SSBP3: variants seen among roughly 807,000 people sequenced by gnomAD.
SSBP3 encodes single stranded DNA binding protein 3, also known as single-stranded DNA-binding protein 3.
SSBP3 carries 5 observed loss-of-function variants against 69.6 expected under a neutral mutation model. The observed-to-expected ratio is 0.07, with a 90% confidence interval of 0.04 to 0.15. The LOEUF is 0.15. SSBP3 is among the 10% of genes least tolerant of loss of function. The pLI is 1.00. For synonymous variants in SSBP3, 196 were observed against 193.4 expected, an observed-to-expected ratio of 1.01 and a Z score of -0.11; for missense variants, 312 against 534.0, an observed-to-expected ratio of 0.58 and a Z score of 4.10.
At chr1:54,247,920 C>T (rs923687782) in intron 9 of SSBP3, among the ~76,000 whole-genome samples, 2 of 152,328 alleles carry the variant, frequency 1.3e-5, no homozygotes, top group South Asian at 4.1e-4. Context: ...GTACTATCTC[C>T]TTTCTGGCAC....
chr1:54,332,952 G>A (rs772224533), intron 4 of SSBP3, among the ~76,000 whole-genome samples: 4 of 152,138 alleles, frequency 2.6e-5, no homozygotes, highest in East Asian at 1.9e-4. Context: ...ACACGCGTGC[G>A]CCTCCTCCCA....
chr1:54,316,133 A>G (rs1197977287), intron 4 of SSBP3, among the ~76,000 whole-genome samples: 3 of 151,142 alleles, frequency 2.0e-5, no homozygotes, highest in Admixed American at 6.6e-5. Flanking sequence ...TCACAAGGTC[A>G]GAAGATCAAG....
upstream of SSBP3, among the ~76,000 whole-genome samples, chr1:54,407,456 G>A (rs539466541): frequency 8.5e-5 from 13 of 152,120 alleles, no homozygotes; most frequent in Non-Finnish European, 1.5e-4. Context: ...TTGAGGGGGG[G>A]GCTGGCAGAG....
intron 4 of SSBP3, among the ~76,000 whole-genome samples, chr1:54,357,276 G>A (rs1646883838): frequency 6.6e-6 from 1 of 152,094 alleles, no homozygotes; most frequent in South Asian, 2.1e-4. Flanking sequence ...GTGGCCCAGG[G>A]TGGGCACTCG....
At chr1:54,358,566 GC>G (rs1396051688) in intron 4 of SSBP3, among the ~76,000 whole-genome samples, 2 of 152,206 alleles carry the variant, frequency 1.3e-5, no homozygotes, top group East Asian at 1.9e-4. Flanking sequence ...AGGGGAGATG[GC>G]ATAACCTCCA....
chr1:54,395,773 C>G (rs1301574301), intron 4 of SSBP3, among the ~76,000 whole-genome samples: 1 of 152,200 alleles, frequency 6.6e-6, no homozygotes, highest in East Asian at 1.9e-4. Context: ...CTAGAATTCA[C>G]ATGGGAGTCC....
At chr1:54,309,415 T>C (rs1183429992) in intron 4 of SSBP3, among the ~76,000 whole-genome samples, 2 of 152,182 alleles carry the variant, frequency 1.3e-5, no homozygotes, top group Non-Finnish European at 2.9e-5. Flanking sequence ...CAAGACAACA[T>C]CGGCATCCCT....
At chr1:54,289,044 ACAAAAAAAAAAAAC>A (rs1645554167) in intron 4 of SSBP3, among the ~76,000 whole-genome samples, 1 of 51,270 alleles carries the variant, frequency 2.0e-5, no homozygotes, top group African/African-American at 1.3e-4. Flanking sequence ...AAACAAAAAA[ACAAAAAAAAAAAAC>A]AGTAATGTCC....
chr1:54,256,625 A>T (rs1260632549), intron 7 of SSBP3, among the ~76,000 whole-genome samples: 1 of 152,140 alleles, frequency 6.6e-6, no homozygotes, highest in South Asian at 2.1e-4. Context: ...AAAAACTCAC[A>T]AATCTCCTGC....
intron 4 of SSBP3, among the ~76,000 whole-genome samples, chr1:54,307,473 T>C (rs774975253): frequency 1.4e-4 from 22 of 152,198 alleles, no homozygotes; most frequent in Non-Finnish European, 2.9e-4. Flanking sequence ...TTCCTCTGGC[T>C]CTACTAGACT....
At chr1:54,408,089 A>G (rs753908461), upstream of SSBP3, among the ~76,000 whole-genome samples, 2 of 152,154 alleles carry the variant, frequency 1.3e-5, no homozygotes, top group Non-Finnish European at 2.9e-5. Context: ...ATTAGAGTAC[A>G]GCCAGGCCCT....
chr1:54,340,350 T>C (rs1646586007), intron 4 of SSBP3, among the ~76,000 whole-genome samples: 2 of 152,088 alleles, frequency 1.3e-5, no homozygotes, highest in Non-Finnish European at 2.9e-5. Flanking sequence ...ACCAATGTGG[T>C]GTTTGCTGCC....
At chr1:54,401,211 A>G (rs1649266272) in intron 4 of SSBP3, among the ~76,000 whole-genome samples, 1 of 152,204 alleles carries the variant, frequency 6.6e-6, no homozygotes. Context: ...AATTTCATAA[A>G]TCTTAAGAAA....
chr1:54,257,171 G>T (rs781179285), exon 7 of SSBP3: 3 of 1,601,898 alleles, frequency 1.9e-6, no homozygotes, highest in East Asian at 2.3e-5. Flanking sequence ...CCTGCGTATC[G>T]CGGTGACATA....
At chr1:54,346,501 G>A (rs966163083) in intron 4 of SSBP3, among the ~76,000 whole-genome samples, 9 of 152,038 alleles carry the variant, frequency 5.9e-5, no homozygotes, top group Non-Finnish European at 1.0e-4. Flanking sequence ...CAGTACCTGT[G>A]AATGGGCTCT....
At chr1:54,401,899 A>C in exon 4 of SSBP3, 1 of 1,614,166 alleles carries the variant, frequency 6.2e-7, no homozygotes, top group South Asian at 1.1e-5. Context: ...GAATGTTCAC[A>C]AGTGTCTCTC....
intron 4 of SSBP3, among the ~76,000 whole-genome samples, chr1:54,281,748 C>T (rs561003062): frequency 6.9e-4 from 105 of 152,260 alleles, no homozygotes; most frequent in Non-Finnish European, 1.1e-3. Context: ...ACTCAATTCC[C>T]AGGTCCGGCC....
At chr1:54,251,539 C>G in intron 9 of SSBP3, 77 bp downstream of exon 9, 1 of 1,431,566 alleles carries the variant, frequency 7.0e-7, no homozygotes, top group Non-Finnish European at 9.6e-7. Flanking sequence ...GGGAGACTGA[C>G]AGAGCATGGA....
At chr1:54,356,218 A>G (rs1205071040) in intron 4 of SSBP3, among the ~76,000 whole-genome samples, 2 of 152,120 alleles carry the variant, frequency 1.3e-5, no homozygotes, top group Non-Finnish European at 2.9e-5. Context: ...AATCCCGGGG[A>G]GCTGGCCTGC....
Sources: allele counts gnomAD v4.1 joint callset (sites outside exome capture counted in the v4.1 genomes callset), GRCh38; gene constraint gnomAD v4.1.1; transcripts MANE v1.5; gene names NCBI Gene and HGNC (gene_info 2026-07-23, HGNC 2026-07-21).